The following GLIS3 variants were observed in gnomAD, a reference collection of about 807,000 sequenced individuals.
The protein encoded by GLIS3 is zinc finger protein GLIS3.
In GLIS3, 53 loss-of-function variants were observed where a neutral mutation model predicts 78.6. That is an observed-to-expected ratio of 0.67 (90% confidence interval 0.54 to 0.85). The LOEUF (loss-of-function observed/expected upper bound fraction) is 0.85, where lower values mean the gene tolerates loss of function less well. GLIS3 is among the 40% of genes least tolerant of loss of function. The probability of loss-of-function intolerance (pLI) is 0.00; values close to 1 mark genes in which losing one functional copy is unlikely to be tolerated. For missense variants in GLIS3, 1,703 were observed against 1,231.1 expected (o/e 1.38, Z -5.74); for synonymous variants, 684 against 509.9 (o/e 1.34, Z -4.60).
intron 5 of GLIS3, among the ~76,000 whole-genome samples, chr9:3,935,617 T>C (rs540414482): frequency 2.0e-5 from 3 of 152,322 alleles, no homozygotes; most frequent in Admixed American, 2.0e-4. Flanking sequence ...GTCTCATAAA[T>C]GTTCATTCTT....
At chr9:4,343,058 C>A (rs1817857278) in intron 2 of GLIS3, among the ~76,000 whole-genome samples, 1 of 152,112 alleles carries the variant, frequency 6.6e-6, no homozygotes, top group Non-Finnish European at 1.5e-5. Flanking sequence ...CACAGTGAGG[C>A]CCAGGCATGG....
At chr9:3,896,735 C>G (rs1246215268) in intron 7 of GLIS3, among the ~76,000 whole-genome samples, 4 of 146,726 alleles carry the variant, frequency 2.7e-5, no homozygotes, top group Non-Finnish European at 6.0e-5. Context: ...AAGTAAAATT[C>G]TGGGAACAAA....
intron 4 of GLIS3, among the ~76,000 whole-genome samples, chr9:4,092,286 G>A (rs570175892): frequency 6.6e-6 from 1 of 151,660 alleles, no homozygotes; most frequent in Admixed American, 6.6e-5. Flanking sequence ...CGAGTAGCTG[G>A]GACTACAGGC....
intron 4 of GLIS3, among the ~76,000 whole-genome samples, chr9:3,986,309 T>A (rs62523510): frequency 6.6e-6 from 1 of 152,200 alleles, no homozygotes; most frequent in Admixed American, 6.5e-5. Flanking sequence ...GATACAACTG[T>A]AGATAATTTT....
intron 2 of GLIS3, among the ~76,000 whole-genome samples, chr9:4,312,140 A>T (rs555427830): frequency 6.6e-6 from 1 of 151,816 alleles, no homozygotes; most frequent in South Asian, 2.1e-4. Context: ...CTAAAATAAA[A>T]GTTTTTGTTT....
chr9:4,131,911 C>A (rs1448670401), intron 2 of GLIS3, among the ~76,000 whole-genome samples: 1 of 152,064 alleles, frequency 6.6e-6, no homozygotes, highest in African/African-American at 2.4e-5. Context: ...CCTGTCATTG[C>A]TTTTTTGCTC....
chr9:3,943,293 A>C (rs1816070000), intron 4 of GLIS3, among the ~76,000 whole-genome samples: 1 of 152,218 alleles, frequency 6.6e-6, no homozygotes, highest in Non-Finnish European at 1.5e-5. Flanking sequence ...GTAGTTCATG[A>C]ATCGATTATG....
rs1563754923 is a variant in GLIS3, at chr9:3,829,479, C to T, written c.2487G>A (p.Gln829=). The part of the protein sequence containing the change: ...NGIHVHGFYG[Q]LQKFCPPHYP... ...AGTGTGGGGGACAGAACTTCTGCAG[C>T]TGCCCATAAAATCCTGAAACGCAAG... is the stretch of plus-strand genomic sequence containing the variant. Residue 829 remains glutamine, a synonymous_variant, in exon 10 of 11, where the codon CAG becomes CAA. Transcript: ENST00000381971. The T allele has an allele frequency of 1.2e-6, 2 of 1,614,112 alleles. No homozygotes were observed. The highest frequency in any genetic ancestry group is 1.7e-6 in the Non-Finnish European group (2 of 1,179,994).
chr9:4,270,915 GTGTGTGTGTGTGTGTGTGTA>G (rs1447685644), intron 2 of GLIS3, among the ~76,000 whole-genome samples: 132 of 106,868 alleles, frequency 1.2e-3, no homozygotes, highest in Admixed American at 3.5e-3. Context: ...GTGTGTGTGT[GTGTGTGTGTGTGTGTGTGTA>G]TACACAACTG....
intron 2 of GLIS3, among the ~76,000 whole-genome samples, chr9:4,217,022 G>C (rs190429110): frequency 6.6e-6 from 1 of 152,260 alleles, no homozygotes; most frequent in South Asian, 2.1e-4. Context: ...CAGGACTTGT[G>C]GTTCTGTAAA....
At chr9:4,038,908 G>T (rs952803206) in intron 4 of GLIS3, among the ~76,000 whole-genome samples, 5 of 152,092 alleles carry the variant, frequency 3.3e-5, no homozygotes, top group Admixed American at 2.6e-4. Context: ...TTTGCCCCCA[G>T]TGACCTCCAA....
intron 2 of GLIS3, among the ~76,000 whole-genome samples, chr9:4,143,425 G>T (rs1327689341): frequency 6.6e-6 from 1 of 151,920 alleles, no homozygotes; most frequent in Non-Finnish European, 1.5e-5. Flanking sequence ...AAATTAGCCG[G>T]GCATGGTGGT....
chr9:4,175,118 G>T (rs1816705483), intron 2 of GLIS3, among the ~76,000 whole-genome samples: 3 of 152,106 alleles, frequency 2.0e-5, no homozygotes, highest in African/African-American at 7.2e-5. Flanking sequence ...TTATTTCCAG[G>T]ACTTTCTGAA....
chr9:3,834,373 T>C (rs1356557304), intron 9 of GLIS3, among the ~76,000 whole-genome samples: 1 of 152,254 alleles, frequency 6.6e-6, no homozygotes, highest in Non-Finnish European at 1.5e-5. Context: ...TCCATGATGA[T>C]GAAAATGCTC....
intron 6 of GLIS3, among the ~76,000 whole-genome samples, chr9:3,921,957 A>AC (rs779849974): frequency 4.0e-5 from 3 of 75,110 alleles, no homozygotes; most frequent in Non-Finnish European, 9.0e-5. Flanking sequence ...CTCACACTTC[A>AC]CATTGGTAAA....
rs567045980 is a variant in GLIS3 at position 4,278,959 on chromosome 9, A to G, written c.388+7079T>C. Reference sequence around the variant, plus strand: ...ACCTGAATCCAATCATGAAGAAATTATCAGACAAACCAGAGTGTGGAACAA... The same window carrying G: ...ACCTGAATCCAATCATGAAGAAATTGTCAGACAAACCAGAGTGTGGAACAA... On this transcript the variant is annotated intron_variant, in intron 2 of 10. Transcript: ENST00000381971. Among the ~76,000 whole-genome samples, 436 of 152,328 alleles carry G rather than the reference A, an allele frequency of 2.9e-3. 2 individuals are homozygous for G. The highest frequency in any genetic ancestry group is 0.01 in the African/African-American group (421 of 41,570).
At chr9:4,359,898 T>C in the GLIS3 span, among the ~76,000 whole-genome samples, 1 of 152,064 alleles carries the variant, frequency 6.6e-6, no homozygotes, top group Non-Finnish European at 1.5e-5. Flanking sequence ...GAATGTTAAG[T>C]ATATAACATA....
the GLIS3 span, among the ~76,000 whole-genome samples, chr9:4,353,608 G>A: frequency 3.9e-5 from 6 of 151,968 alleles, no homozygotes; most frequent in African/African-American, 1.5e-4. Flanking sequence ...TCTCTCAGCG[G>A]GTCCAAAGTC....
chr9:4,248,035 C>G (rs1368785076), intron 2 of GLIS3, among the ~76,000 whole-genome samples: 1 of 152,130 alleles, frequency 6.6e-6, no homozygotes, highest in East Asian at 1.9e-4. Flanking sequence ...ATTCCCCATC[C>G]CTTCACTCCT....
Sources: gnomAD v4.1 joint callset for allele counts (sites outside exome capture counted in the v4.1 genomes callset) on GRCh38, gnomAD v4.1.1 for gene constraint, MANE v1.5 for transcripts, NCBI Gene and HGNC (gene_info 2026-07-23, HGNC 2026-07-21) for gene names.